The following FCN2 variants were observed in gnomAD, a reference collection of about 807,000 sequenced individuals.
FCN2 encodes ficolin 2.
In FCN2, 31 loss-of-function variants were observed where a neutral mutation model predicts 32.5. The observed-to-expected ratio is 0.96, with a 90% CI of 0.72 to 1.29. FCN2 has a LOEUF of 1.29. Among genes scored for constraint, FCN2 ranks in the 50% most tolerant of loss-of-function variants. The pLI, the probability that FCN2 is intolerant of heterozygous loss-of-function variation, is 0.00. For missense variants in FCN2, 412 were observed against 406.5 expected, an observed-to-expected ratio of 1.01 and a Z score of -0.12; for synonymous variants, 181 against 164.5, an observed-to-expected ratio of 1.10 and a Z score of -0.77.
At chr9:134,872,160 C>A in the FCN2 span, among the ~76,000 whole-genome samples, 28 of 151,996 alleles carry the variant, frequency 1.8e-4, no homozygotes, top group Admixed American at 7.9e-4. Context: ...GTGGATGGAC[C>A]ACAGCTGTGT....
At chr9:134,873,190 C>T in the FCN2 span, among the ~76,000 whole-genome samples, 1 of 151,750 alleles carries the variant, frequency 6.6e-6, no homozygotes, top group African/African-American at 2.4e-5. Flanking sequence ...ACCCCTTTAT[C>T]AAATGTATGT....
upstream of FCN2, among the ~76,000 whole-genome samples, chr9:134,877,747 T>A (rs541881010): frequency 6.9e-6 from 1 of 145,098 alleles, no homozygotes; most frequent in Non-Finnish European, 1.5e-5. Context: ...CAGCATCACC[T>A]GTCCTAGAAC....
chr9:134,882,631 G>C lies in FCN2; in HGVS notation c.206G>C (p.Gly69Ala). Residue 69 changes from glycine to alanine, a missense_variant, in exon 2 of 8, where the codon GGA (glycine) becomes GCA (alanine). Gly to Ala is a moderately conservative substitution (Grantham distance 60). Transcript: ENST00000291744. ...PGPKGEAGTNGKRGERGPPGP... is the reference protein window; with the variant it reads ...PGPKGEAGTNAKRGERGPPGP... ...CCCAAGGGAGAGGCAGGCACCAATG[G>C]AAAGAGAGGTAGGTGCAGGCATGGC... 6.2e-7 allele frequency: 1 copy of C among 1,609,906 alleles called. No homozygotes were observed. The highest frequency in any genetic ancestry group is 8.5e-7 in the Non-Finnish European group (1 of 1,176,304).
upstream of FCN2, among the ~76,000 whole-genome samples, chr9:134,878,797 T>C (rs1830625636): frequency 6.6e-6 from 1 of 152,050 alleles, no homozygotes; most frequent in Non-Finnish European, 1.5e-5. Context: ...GAGCCAAGAT[T>C]GTGCCATTAC....
rs770622655 is a variant in FCN2 at position 134,886,548 on chromosome 9, C to T, written c.678C>T (p.Phe226=). 10 of 1,613,932 alleles carry T rather than the reference C, an allele frequency of 6.2e-6. No homozygotes were observed. The highest frequency in any genetic ancestry group is 2.2e-5 in the East Asian group (1 of 44,882). ...AEKYNLVLGA[F]VEGSAGDSLT... ...AGTACAATCTGGTCCTGGGGGCCTT[C>T]GTGGAGGGCAGTGCGGGTGAGTGTC... The change falls in exon 7 of 8, where the codon TTC becomes TTT. Residue 226 remains phenylalanine, a synonymous_variant. Transcript: ENST00000291744.
chr9:134,884,744 A>C lies in FCN2; in HGVS notation c.273A>C (p.Ala91=), dbSNP rs1389720835. ...TCCTCTCTCATCCATGAACAGGAGC[A>C]CCTGGGGAGCCCCAGCCGTGCCTGA... ...GKAGPPGPNG[A]PGEPQPCLTG... is the part of the protein sequence containing the mutation. The change falls in exon 4 of 8, where the codon GCA becomes GCC. Residue 91 remains alanine (A), a synonymous_variant. Transcript: ENST00000291744. The C allele has an allele frequency of 1.2e-6, 2 of 1,613,770 alleles. No individual in the cohort carries two copies. The highest frequency in any genetic ancestry group is 1.7e-6 in the Non-Finnish European group (2 of 1,179,924).
chr9:134,869,948 C>G, the FCN2 span, among the ~76,000 whole-genome samples: 20 of 152,158 alleles, frequency 1.3e-4, no homozygotes, highest in African/African-American at 3.1e-4. Flanking sequence ...GAGGGGGGGG[C>G]CCACAAATTC....
chr9:134,873,362 G>A, the FCN2 span, among the ~76,000 whole-genome samples: 3 of 152,270 alleles, frequency 2.0e-5, no homozygotes, highest in Admixed American at 2.0e-4. Context: ...AATCTGCTTC[G>A]TTGTCTTTTC....
the FCN2 span, among the ~76,000 whole-genome samples, chr9:134,873,157 G>C: frequency 6.6e-6 from 1 of 151,044 alleles, no homozygotes; most frequent in Non-Finnish European, 1.5e-5. Context: ...AGTTTGAAGA[G>C]TTATCTCTGT....
chr9:134,873,917 TTTTTG>T, the FCN2 span, among the ~76,000 whole-genome samples: 66,925 of 125,154 alleles, frequency 0.53, 15,373 homozygotes, highest in South Asian at 0.6. Flanking sequence ...TTGTTTTTGT[TTTTTG>T]TTTTTTGATA....
chr9:134,884,398 G>A (rs1049034505), intron 3 of FCN2, among the ~76,000 whole-genome samples: 6 of 152,122 alleles, frequency 3.9e-5, no homozygotes, highest in African/African-American at 4.8e-5. Context: ...ATATTACTGT[G>A]TCCACCAAGA....
chr9:134,878,280 G>T (rs1208429742), upstream of FCN2, among the ~76,000 whole-genome samples: 1 of 152,166 alleles, frequency 6.6e-6, no homozygotes, highest in Non-Finnish European at 1.5e-5. Flanking sequence ...GTTGGGACCC[G>T]AGGAACTAGG....
intron 7 of FCN2, among the ~76,000 whole-genome samples, chr9:134,886,872 A>G (rs1164831996): frequency 6.6e-6 from 1 of 152,186 alleles, no homozygotes; most frequent in Non-Finnish European, 1.5e-5. Flanking sequence ...GGGGTCTGCC[A>G]TGATGGAATC....
intron 1 of FCN2, among the ~76,000 whole-genome samples, 177 bp downstream of exon 1, chr9:134,881,098 A>G (rs919707034): frequency 6.6e-6 from 1 of 152,164 alleles, no homozygotes; most frequent in African/African-American, 2.4e-5. Flanking sequence ...CCCCGAATGG[A>G]TGTGGCATCT....
At chr9:134,874,554 T>A in the FCN2 span, among the ~76,000 whole-genome samples, 2 of 152,366 alleles carry the variant, frequency 1.3e-5, no homozygotes, top group Non-Finnish European at 1.5e-5. Context: ...ATCTCTATTC[T>A]GTGTCATTGT....
At chr9:134,879,885 C>T (rs3811144), upstream of FCN2, among the ~76,000 whole-genome samples, 11 of 152,208 alleles carry the variant, frequency 7.2e-5, no homozygotes, top group East Asian at 1.5e-3. Context: ...GTGCTGGTTC[C>T]GTCTCTGGGG....
upstream of FCN2, among the ~76,000 whole-genome samples, chr9:134,875,982 C>A (rs749355652): frequency 3.3e-5 from 5 of 152,234 alleles, no homozygotes; most frequent in South Asian, 2.1e-4. Flanking sequence ...TTTTGGAGAG[C>A]CTTTTTCATC....
the FCN2 span, among the ~76,000 whole-genome samples, chr9:134,870,930 G>A: frequency 4.6e-5 from 7 of 152,144 alleles, no homozygotes; most frequent in Non-Finnish European, 2.9e-5. The surrounding 1 kb of genome is among the most constrained non-coding windows in gnomAD (Gnocchi z 4.3). Context: ...TGGGCTCGGC[G>A]GTGCCCTCTC....
chr9:134,885,406 C>T (rs1830734265), intron 5 of FCN2, 40 bp downstream of exon 5: 2 of 1,605,086 alleles, frequency 1.2e-6, no homozygotes, highest in South Asian at 2.2e-5. Flanking sequence ...GCCTGGGAGT[C>T]CCGGAGGCCA....
Sources: allele counts gnomAD v4.1 joint callset (sites outside exome capture counted in the v4.1 genomes callset), GRCh38; gene constraint gnomAD v4.1.1; non-coding constraint Gnocchi (gnomAD v3.1); transcripts MANE v1.5; gene names NCBI Gene and HGNC (gene_info 2026-07-23, HGNC 2026-07-21).